The following TPD52 variants were observed in gnomAD, a reference collection of about 807,000 sequenced individuals.
The protein encoded by TPD52 is tumor protein D52.
TPD52 carries 17 observed loss-of-function variants against 31.3 expected under a neutral mutation model. The ratio of observed to expected loss-of-function variants is 0.54; its 90% CI spans 0.37 to 0.82. TPD52 has a LOEUF of 0.82. Ranked by LOEUF, TPD52 falls within the 40% of genes least tolerant of loss-of-function variation. The pLI, the probability that TPD52 is intolerant of heterozygous loss-of-function variation, is 0.00. For missense variants in TPD52, 212 were observed against 240.1 expected (o/e 0.88, Z 0.77); for synonymous variants, 83 against 89.6 (o/e 0.93, Z 0.42).
chr8:80,034,567 G>C (rs565806175), downstream of TPD52, among the ~76,000 whole-genome samples: 1 of 152,316 alleles, frequency 6.6e-6, no homozygotes, highest in South Asian at 2.1e-4. Context: ...AAATGGATAA[G>C]ATCATTAAGG....
chr8:80,132,025 T>G (rs1809054522), intron 1 of TPD52, among the ~76,000 whole-genome samples: 3 of 138,194 alleles, frequency 2.2e-5, no homozygotes, highest in African/African-American at 9.9e-5. Context: ...TCTATTTTTC[T>G]TTCTTTCTTT....
chr8:80,170,994 T>G, intron 1 of TPD52: 1 of 393,192 alleles, frequency 2.5e-6, no homozygotes. Context: ...AAAGTCTTAA[T>G]TTATGAGGGA....
At chr8:80,132,545 T>A (rs1237053764) in intron 1 of TPD52, among the ~76,000 whole-genome samples, 2 of 152,182 alleles carry the variant, frequency 1.3e-5, no homozygotes, top group African/African-American at 2.4e-5. Flanking sequence ...AAAATTAACT[T>A]TTCTATGTTT....
At chr8:80,144,911 G>C (rs1810088715) in intron 1 of TPD52, among the ~76,000 whole-genome samples, 1 of 151,982 alleles carries the variant, frequency 6.6e-6, no homozygotes, top group Non-Finnish European at 1.5e-5. Context: ...AATAAGCATA[G>C]TATCTATTCA....
At chr8:80,091,285 G>A (rs151142879) in intron 1 of TPD52, among the ~76,000 whole-genome samples, 2,521 of 152,156 alleles carry the variant, frequency 0.017, 64 homozygotes, top group African/African-American at 0.057. Context: ...TGGCTAACAC[G>A]GTGAAACCCC....
chr8:80,057,306 T>G (rs141743684), intron 2 of TPD52, among the ~76,000 whole-genome samples: 43 of 152,288 alleles, frequency 2.8e-4, no homozygotes, highest in African/African-American at 9.1e-4. Context: ...TCAAAGAACT[T>G]AATACAGAGC....
intron 1 of TPD52, among the ~76,000 whole-genome samples, chr8:80,074,447 G>A (rs1814279974): frequency 6.6e-6 from 1 of 152,180 alleles, no homozygotes; most frequent in Non-Finnish European, 1.5e-5. Context: ...ACACCACAAT[G>A]GTTGTCTTCG....
At chr8:80,089,049 C>T (rs1816048958) in intron 1 of TPD52, among the ~76,000 whole-genome samples, 1 of 152,224 alleles carries the variant, frequency 6.6e-6, no homozygotes, top group African/African-American at 2.4e-5. Flanking sequence ...ACCCTGCCAC[C>T]AGCACCTTGA....
chr8:80,064,127 G>A (rs1001029799), intron 2 of TPD52, among the ~76,000 whole-genome samples: 1 of 152,040 alleles, frequency 6.6e-6, no homozygotes, highest in African/African-American at 2.4e-5. Context: ...GGCCATCTCT[G>A]CAACACAGCC....
intron 1 of TPD52, among the ~76,000 whole-genome samples, chr8:80,120,739 T>A (rs540334545): frequency 1.3e-5 from 2 of 152,272 alleles, no homozygotes; most frequent in African/African-American, 4.8e-5. Flanking sequence ...CTTTCTTCAG[T>A]TGCCTTATGT....
At chr8:80,045,333 T>C (rs991486453) in intron 5 of TPD52, among the ~76,000 whole-genome samples, 2 of 152,222 alleles carry the variant, frequency 1.3e-5, no homozygotes, top group Admixed American at 6.5e-5. Flanking sequence ...CTGCCTGGAA[T>C]AGTCACATTG....
chr8:80,097,099 T>C (rs1373957851), intron 1 of TPD52, among the ~76,000 whole-genome samples: 1 of 151,320 alleles, frequency 6.6e-6, no homozygotes. Context: ...ATTGCTGATA[T>C]GGACAAAGTT....
intron 1 of TPD52, among the ~76,000 whole-genome samples, chr8:80,163,128 T>C (rs1811472564): frequency 6.6e-6 from 1 of 152,192 alleles, no homozygotes; most frequent in Non-Finnish European, 1.5e-5. Context: ...TCTGAGTATA[T>C]TTCTAAAAGA....
intron 1 of TPD52, among the ~76,000 whole-genome samples, chr8:80,148,462 C>T (rs1810358408): frequency 1.3e-5 from 2 of 151,960 alleles, no homozygotes; most frequent in Non-Finnish European, 2.9e-5. Flanking sequence ...CACACCTGGC[C>T]CTAAATTGTT....
At chr8:80,167,077 A>G (rs1181811526) in intron 1 of TPD52, among the ~76,000 whole-genome samples, 2 of 152,198 alleles carry the variant, frequency 1.3e-5, no homozygotes, top group African/African-American at 2.4e-5. Context: ...AGGTTCCAAA[A>G]GGCATTTTTA....
Position 80,171,494 on chromosome 8 carries a change from G to C in TPD52, c.-51C>G. On this transcript the variant is annotated 5_prime_UTR_variant, in exon 1 of 8. Transcript: ENST00000518937. ...TCTGCAGCACCCCCGCCTGCAGCCC[G>C]TCCCGGCTCGGATCGCCCGCCGCGC... 1 of 1,531,414 alleles carries C rather than the reference G, an allele frequency of 6.5e-7. No homozygotes were observed. The highest frequency in any genetic ancestry group is 8.7e-7 in the Non-Finnish European group (1 of 1,152,620). 94.9% of individuals were successfully genotyped at this position (1,531,414 alleles called of 1,614,324 possible). A position where few individuals can be genotyped will look rare whatever the true frequency, so the allele number is the denominator to read the frequency against.
intron 2 of TPD52, among the ~76,000 whole-genome samples, chr8:80,058,394 C>T (rs917536436): frequency 6.6e-6 from 1 of 152,196 alleles, no homozygotes; most frequent in Non-Finnish European, 1.5e-5. Flanking sequence ...TCAAAATGGA[C>T]TACGCAGCAA....
intron 1 of TPD52, among the ~76,000 whole-genome samples, chr8:80,127,255 T>C (rs1318461722): frequency 6.6e-6 from 1 of 152,232 alleles, no homozygotes; most frequent in East Asian, 1.9e-4. Flanking sequence ...TTGAAACATT[T>C]CAACACTCTC....
intron 1 of TPD52, among the ~76,000 whole-genome samples, chr8:80,093,223 AAGAG>A (rs1816426880): frequency 6.6e-6 from 1 of 152,180 alleles, no homozygotes; most frequent in African/African-American, 2.4e-5. Context: ...GCTCAGTAAT[AAGAG>A]AATGAAAGCA....
Sources: allele counts gnomAD v4.1 joint callset (sites outside exome capture counted in the v4.1 genomes callset), GRCh38; gene constraint gnomAD v4.1.1; transcripts MANE v1.5; gene names NCBI Gene and HGNC (gene_info 2026-07-23, HGNC 2026-07-21).